The following FHIP1A variants were observed in gnomAD, a reference collection of about 807,000 sequenced individuals.
The protein encoded by FHIP1A is FHF complex subunit HOOK-interacting protein 1A.
A neutral mutation model predicts 88.6 loss-of-function variants in FHIP1A; 61 were observed. The ratio of observed to expected loss-of-function variants is 0.69; its 90% CI spans 0.56 to 0.85. The LOEUF (loss-of-function observed/expected upper bound fraction) is 0.85. FHIP1A is among the 40% of genes least tolerant of loss of function. The probability of loss-of-function intolerance (pLI) is 0.00; values close to 1 mark genes in which losing one functional copy is unlikely to be tolerated. For synonymous variants in FHIP1A, 478 were observed against 496.0 expected (o/e 0.96, Z 0.48); for missense variants, 1,154 against 1,273.5 (o/e 0.91, Z 1.43).
chr4:151,485,423 A>G (rs1353096888), intron 3 of FHIP1A, among the ~76,000 whole-genome samples: 1 of 151,648 alleles, frequency 6.6e-6, no homozygotes, highest in Non-Finnish European at 1.5e-5. Context: ...TTAAGTGTAT[A>G]GTGCCACACT....
At chr4:151,629,632 G>A (rs2126876937) in intron 7 of FHIP1A, 70 bp from the exon 8 acceptor site, 2 of 1,403,846 alleles carry the variant, frequency 1.4e-6, no homozygotes, top group South Asian at 2.6e-5. Flanking sequence ...GAGGCTGGGG[G>A]CCACGGGAGA....
intron 1 of FHIP1A, among the ~76,000 whole-genome samples, chr4:151,409,881 A>C (rs982138493): frequency 1.3e-5 from 2 of 152,156 alleles, no homozygotes; most frequent in African/African-American, 4.8e-5. Flanking sequence ...ACTTGCTTAC[A>C]CAGGAGACAG....
intron 3 of FHIP1A, among the ~76,000 whole-genome samples, chr4:151,548,790 C>T (rs1051811340): frequency 2.6e-5 from 4 of 152,222 alleles, no homozygotes; most frequent in Non-Finnish European, 5.9e-5. Flanking sequence ...GGCGTGGTGG[C>T]ACACGCCTGT....
intron 7 of FHIP1A, among the ~76,000 whole-genome samples, chr4:151,618,403 A>C (rs886991511): frequency 6.6e-6 from 1 of 152,216 alleles, no homozygotes; most frequent in Non-Finnish European, 1.5e-5. Flanking sequence ...TTTGGAAAGA[A>C]ATGTTCAGAG....
At chr4:151,583,030 A>G (rs541791067) in intron 5 of FHIP1A, among the ~76,000 whole-genome samples, 1 of 152,164 alleles carries the variant, frequency 6.6e-6, no homozygotes, top group South Asian at 2.1e-4. Flanking sequence ...TCTTGCCTGT[A>G]TTAGTTTATC....
chr4:151,654,514 T>C (rs1286789517), intron 11 of FHIP1A, among the ~76,000 whole-genome samples: 1 of 152,134 alleles, frequency 6.6e-6, no homozygotes, highest in Non-Finnish European at 1.5e-5. Flanking sequence ...CCCACCTAAG[T>C]ATGTCTTAAT....
In FHIP1A at chr4:151,411,343, A is replaced by ATTCTTTTTTTTTT. The variant is rs370374898; in HGVS notation, c.-356+1879_-356+1880insTCTTTTTTTTTTT. Among the ~76,000 whole-genome samples, 1,020 of 112,104 alleles carry ATTCTTTTTTTTTT rather than the reference A, an allele frequency of 9.1e-3. 112 individuals carry two copies. The highest frequency in any genetic ancestry group is 0.03 in the African/African-American group (828 of 27,332). The allele number at this position is 112,104 out of a possible 152,430, so 73.5% of individuals were successfully genotyped here. A position where few individuals can be genotyped will look rare whatever the true frequency, so the allele number is the denominator to read the frequency against. ...AATTGCCTCTGAGGAGTGAAATTATATATATATTTTTTTTTTTTTAAAGTT... is the reference window on the plus strand; with the variant it reads ...AATTGCCTCTGAGGAGTGAAATTATATTCTTTTTTTTTTTATATATTTTTTTTTTTTTAAAGTT... On this transcript the variant is annotated intron_variant, in intron 1 of 13. Coordinates refer to ENST00000435205, the MANE Select transcript of FHIP1A (RefSeq NM_001109977.3).
At chr4:151,469,557 C>A (rs1008782493) in intron 2 of FHIP1A, among the ~76,000 whole-genome samples, 1 of 152,188 alleles carries the variant, frequency 6.6e-6, no homozygotes, top group Non-Finnish European at 1.5e-5. Flanking sequence ...CCACTACACT[C>A]ACGTTCTGGT....
intron 3 of FHIP1A, among the ~76,000 whole-genome samples, chr4:151,509,705 A>G (rs769694039): frequency 6.6e-6 from 1 of 151,928 alleles, no homozygotes; most frequent in Non-Finnish European, 1.5e-5. Context: ...TGTTCATTCC[A>G]CATTCCTTTC....
chr4:151,621,319 T>A (rs1053440517), intron 7 of FHIP1A, among the ~76,000 whole-genome samples: 1 of 152,104 alleles, frequency 6.6e-6, no homozygotes, highest in African/African-American at 2.4e-5. Context: ...ACAGAATAAC[T>A]GCAATTATTG....
In FHIP1A at chr4:151,597,410, C is replaced by G. The variant is rs1012927891; in HGVS notation, c.978+8484C>G. 7.9e-5 allele frequency among the ~76,000 whole-genome samples: 12 copies of G among 152,246 alleles called. No individual in the cohort carries two copies. In the East Asian group the frequency reaches 2.3e-3, roughly 29 times the overall value. ...GTTCCTTCCTCTGGAAGCTTCGTCCCAGAGGGTCACCCGCCAGATGCCAGC... is the reference window on the plus strand; with the variant it reads ...GTTCCTTCCTCTGGAAGCTTCGTCCGAGAGGGTCACCCGCCAGATGCCAGC... On this transcript the variant is annotated intron_variant, in intron 7 of 13. Transcript: ENST00000435205.
chr4:151,564,630 A>G lies in FHIP1A; in HGVS notation c.-122-1508A>G, dbSNP rs745151. On this transcript the variant is annotated intron_variant, in intron 3 of 13. Transcript: ENST00000435205. ...CAGTGTCCACTGAAAACAAGTTTGT[A>G]GTATTTGGAATTTTAGTTTGGGGAA... 5.6e-3 allele frequency among the ~76,000 whole-genome samples: 849 copies of G among 152,348 alleles called. 35 individuals carry two copies. The highest frequency in any genetic ancestry group is 0.05 in the Admixed American group (770 of 15,302).
intron 3 of FHIP1A, among the ~76,000 whole-genome samples, chr4:151,516,163 T>C (rs1267373186): frequency 6.6e-6 from 1 of 152,220 alleles, no homozygotes; most frequent in African/African-American, 2.4e-5. Context: ...TACAACTGTT[T>C]GATCTTTGAC....
chr4:151,431,792 C>T (rs1323004095), intron 1 of FHIP1A, among the ~76,000 whole-genome samples: 3 of 152,146 alleles, frequency 2.0e-5, no homozygotes, highest in Non-Finnish European at 4.4e-5. Flanking sequence ...CAATTTAAAA[C>T]TGGTTAAAGA....
chr4:151,560,877 T>A (rs1440562996), intron 3 of FHIP1A, among the ~76,000 whole-genome samples: 4 of 152,220 alleles, frequency 2.6e-5, no homozygotes, highest in East Asian at 1.9e-4. Flanking sequence ...AAATTTTTTT[T>A]AATTTTAAGC....
intron 7 of FHIP1A, among the ~76,000 whole-genome samples, chr4:151,600,118 T>C (rs932650802): frequency 6.6e-6 from 1 of 152,234 alleles, no homozygotes. Flanking sequence ...TTGAGCAATT[T>C]GTAGCTAGCT....
At chr4:151,654,629 A>T (rs116322321) in intron 11 of FHIP1A, among the ~76,000 whole-genome samples, 2 of 152,150 alleles carry the variant, frequency 1.3e-5, no homozygotes, top group Non-Finnish European at 2.9e-5. Context: ...CTCTAGATCT[A>T]CCTTGAAGGC....
chr4:151,540,234 A>G (rs1732234972), intron 3 of FHIP1A, among the ~76,000 whole-genome samples: 1 of 152,196 alleles, frequency 6.6e-6, no homozygotes, highest in Non-Finnish European at 1.5e-5. Flanking sequence ...CCATCATCCC[A>G]GTTGCAATAG....
intron 7 of FHIP1A, among the ~76,000 whole-genome samples, chr4:151,625,941 G>A (rs1735935781): frequency 6.6e-6 from 1 of 152,188 alleles, no homozygotes. Context: ...GGGAACTGGC[G>A]ATGAGAACTG....
Sources: gnomAD v4.1 joint callset for allele counts (sites outside exome capture counted in the v4.1 genomes callset) on GRCh38, gnomAD v4.1.1 for gene constraint, MANE v1.5 for transcripts, NCBI Gene and HGNC (gene_info 2026-07-23, HGNC 2026-07-21) for gene names.